The following RAD51B variants were observed in gnomAD, a reference collection of about 807,000 sequenced individuals.
RAD51B encodes the protein DNA repair protein RAD51 homolog 2.
In RAD51B, 38 loss-of-function variants were observed where a neutral mutation model predicts 42.2. The ratio of observed to expected loss-of-function variants is 0.90; its 90% CI spans 0.70 to 1.18. The LOEUF (loss-of-function observed/expected upper bound fraction) is 1.18. Ranked by LOEUF, RAD51B falls within the 50% of genes most tolerant of loss-of-function variation. The probability of loss-of-function intolerance (pLI) is 0.00; values close to 1 mark genes in which losing one functional copy is unlikely to be tolerated. For synonymous variants in RAD51B, 154 were observed against 145.2 expected (o/e 1.06, Z -0.43); for missense variants, 373 against 400.7 (o/e 0.93, Z 0.59).
At chr14:68,404,809 T>C (rs111401893) in intron 8 of RAD51B, among the ~76,000 whole-genome samples, 123 of 152,316 alleles carry the variant, frequency 8.1e-4, no homozygotes, top group Non-Finnish European at 1.5e-3. Flanking sequence ...GGGTTATCAC[T>C]GTACATCAGA....
chr14:68,330,153 A>G (rs1016393661), intron 8 of RAD51B, among the ~76,000 whole-genome samples: 2 of 152,214 alleles, frequency 1.3e-5, no homozygotes, highest in Non-Finnish European at 2.9e-5. Context: ...CAAAGCTCTC[A>G]TTCAGCTGCC....
chr14:68,535,545 C>T lies in RAD51B; in HGVS notation c.1037-58940C>T, dbSNP rs144641494. Among the ~76,000 whole-genome samples, 59 of 152,280 alleles carry T rather than the reference C, an allele frequency of 3.9e-4. 1 individual carries two copies. Among genetic ancestry groups the T allele is most frequent in the Non-Finnish European group, 7.5e-4 (51 of 68,020 alleles). The stretch of plus-strand genomic sequence containing the variant: ...ATTTCTAAGCATGTGAATAGTGACA[C>T]GTCGAGCTTACAGCAGGCCTTAGGA... On this transcript the variant is annotated intron_variant, in intron 10 of 10. Coordinates refer to the RAD51B transcript ENST00000487270.
intron 4 of RAD51B, among the ~76,000 whole-genome samples, chr14:67,847,753 C>T (rs1203171771): frequency 6.6e-6 from 1 of 152,102 alleles, no homozygotes; most frequent in Non-Finnish European, 1.5e-5. Flanking sequence ...AATGTATATT[C>T]TGTGGTTGGT....
At chr14:68,108,190 A>G (rs2077405062) in intron 7 of RAD51B, among the ~76,000 whole-genome samples, 1 of 151,636 alleles carries the variant, frequency 6.6e-6, no homozygotes, top group Admixed American at 6.6e-5. Flanking sequence ...GTTGGTAAGA[A>G]TATAAAAAAA....
At chr14:68,094,629 G>T (rs2077161278) in intron 7 of RAD51B, among the ~76,000 whole-genome samples, 1 of 152,080 alleles carries the variant, frequency 6.6e-6, no homozygotes. Flanking sequence ...GATAAAGGGG[G>T]TAAAAAAATA....
chr14:68,242,668 C>A (rs2080415813), intron 7 of RAD51B, among the ~76,000 whole-genome samples: 1 of 152,104 alleles, frequency 6.6e-6, no homozygotes, highest in Non-Finnish European at 1.5e-5. Context: ...AATATTATAG[C>A]CACAATTTAC....
At chr14:67,877,820 G>A (rs1444567349) in intron 5 of RAD51B, among the ~76,000 whole-genome samples, 7 of 152,056 alleles carry the variant, frequency 4.6e-5, no homozygotes, top group African/African-American at 1.7e-4. Flanking sequence ...GTGCTACCAC[G>A]CCTGGCTAAT....
rs1885333145 is a variant in RAD51B, at chr14:68,506,521, C to CTGTGCGTGCGCGTGCATG, written c.1036+38281_1036+38298dup. The stretch of plus-strand genomic sequence containing the variant: ...TGTACTGGGGCCAGCTGGAATGTGG[C>CTGTGCGTGCGCGTGCATG]TGTGCGTGCGCGTGCATGTGTGCGT... On this transcript the variant is annotated intron_variant, in intron 10 of 10. Coordinates refer to the RAD51B transcript ENST00000487270. Among the ~76,000 whole-genome samples the CTGTGCGTGCGCGTGCATG allele has an allele frequency of 2.0e-5, 3 of 152,244 alleles. No homozygotes were observed. In the South Asian group the frequency reaches 6.2e-4, roughly 32 times the overall value.
chr14:68,411,087 G>T (rs2084406950), intron 8 of RAD51B, among the ~76,000 whole-genome samples: 1 of 152,204 alleles, frequency 6.6e-6, no homozygotes, highest in South Asian at 2.1e-4. Context: ...TTCTTATTCT[G>T]TGGAGTAGCA....
At chr14:68,036,553 C>T (rs2076125780) in intron 7 of RAD51B, among the ~76,000 whole-genome samples, 1 of 152,146 alleles carries the variant, frequency 6.6e-6, no homozygotes, top group Non-Finnish European at 1.5e-5. Context: ...GCCTTTATTT[C>T]CTGGGAATTA....
At chr14:68,503,986 G>A (rs1340456124) in intron 10 of RAD51B, among the ~76,000 whole-genome samples, 1 of 152,192 alleles carries the variant, frequency 6.6e-6, no homozygotes, top group African/African-American at 2.4e-5. Context: ...ACTTCACGGT[G>A]GTGGTGTTGT....
chr14:67,864,789 A>G, intron 4 of RAD51B: 1 of 763,866 alleles, frequency 1.3e-6, no homozygotes, highest in South Asian at 1.5e-5. Context: ...TCCTCCAAGG[A>G]TGGTACATAA....
At chr14:68,573,338 G>C (rs1226151790) in intron 10 of RAD51B, among the ~76,000 whole-genome samples, 1 of 152,040 alleles carries the variant, frequency 6.6e-6, no homozygotes, top group Non-Finnish European at 1.5e-5. Context: ...ACTCCTTACT[G>C]TTTCTCAGAG....
intron 7 of RAD51B, among the ~76,000 whole-genome samples, chr14:68,242,652 A>G (rs139964750): frequency 1.3e-5 from 2 of 152,338 alleles, no homozygotes; most frequent in East Asian, 3.9e-4. Flanking sequence ...TGCTGGGGTT[A>G]AGAATAATAT....
chr14:68,413,058 T>C (rs557797344), intron 9 of RAD51B, among the ~76,000 whole-genome samples: 43 of 152,356 alleles, frequency 2.8e-4, no homozygotes, highest in African/African-American at 9.9e-4. Context: ...GAATTTATGA[T>C]TTCATCTATT....
chr14:68,450,575 G>T (rs1374889606), intron 9 of RAD51B, among the ~76,000 whole-genome samples: 2 of 152,094 alleles, frequency 1.3e-5, no homozygotes, highest in Non-Finnish European at 2.9e-5. Flanking sequence ...CCTCTGAAGG[G>T]CCCTCGGGGA....
chr14:68,462,544 A>G (rs535163394), intron 9 of RAD51B, among the ~76,000 whole-genome samples: 2 of 152,344 alleles, frequency 1.3e-5, no homozygotes, highest in East Asian at 3.9e-4. Flanking sequence ...TGTTCCTCCA[A>G]AGAATTGATG....
intron 7 of RAD51B, among the ~76,000 whole-genome samples, chr14:68,098,118 T>TA (rs1448957448): frequency 6.6e-6 from 1 of 152,232 alleles, no homozygotes; most frequent in African/African-American, 2.4e-5. Context: ...CTGACTTACT[T>TA]ATCTAGGGGC....
chr14:68,480,504 G>A (rs1401105935), downstream of RAD51B, among the ~76,000 whole-genome samples: 1 of 152,122 alleles, frequency 6.6e-6, no homozygotes, highest in Non-Finnish European at 1.5e-5. Flanking sequence ...CACTCATTCT[G>A]GATCTTGCAG....
Sources: gnomAD v4.1 joint callset for allele counts (sites outside exome capture counted in the v4.1 genomes callset) on GRCh38, gnomAD v4.1.1 for gene constraint, MANE v1.5 for transcripts, NCBI Gene and HGNC (gene_info 2026-07-23, HGNC 2026-07-21) for gene names.